Variants in GPRC5D observed in about 807,000 individuals in gnomAD.
The protein encoded by GPRC5D is G protein-coupled receptor family C group 5 member D.
A neutral mutation model predicts 29.3 loss-of-function variants in GPRC5D; 20 were observed. That is an observed-to-expected ratio of 0.68 (90% CI 0.48 to 0.99). The LOEUF is 0.99. GPRC5D is among the 50% of genes least tolerant of loss of function. The probability of loss-of-function intolerance (pLI) is 0.00; values close to 1 mark genes in which losing one functional copy is unlikely to be tolerated. For missense variants in GPRC5D, 384 were observed against 423.6 expected, an observed-to-expected ratio of 0.91 and a Z score of 0.82; for synonymous variants, 178 against 171.3, an observed-to-expected ratio of 1.04 and a Z score of -0.30.
chr12:12,951,166 G>A (rs914864068), upstream of GPRC5D, among the ~76,000 whole-genome samples: 3 of 152,058 alleles, frequency 2.0e-5, no homozygotes, highest in African/African-American at 4.8e-5. Flanking sequence ...GTCAAGAACC[G>A]CAACTGCTTT....
chr12:12,945,495 A>AT (rs1863291322), intron 1 of GPRC5D, among the ~76,000 whole-genome samples: 1 of 152,170 alleles, frequency 6.6e-6, no homozygotes, highest in East Asian at 1.9e-4. Context: ...AGACCTACTG[A>AT]TTTTATTCTA....
chr12:12,940,940 C>G (rs1863129706), intron 2 of GPRC5D, 91 bp from the exon 4 acceptor site: 2 of 826,928 alleles, frequency 2.4e-6, no homozygotes, highest in South Asian at 2.8e-5. Flanking sequence ...GAGACAGAGT[C>G]TTGCTCTGTC....
rs1169652559 is a variant in GPRC5D, at chr12:12,944,848, TCC to T, written c.896-2522_896-2521del. Among the ~76,000 whole-genome samples, 40 of 55,834 alleles carry T rather than the reference TCC, an allele frequency of 7.2e-4. 3 individuals carry two copies. Among genetic ancestry groups the T allele is most frequent in the African/African-American group, 1.9e-3 (37 of 19,328 alleles). 36.6% of individuals were successfully genotyped at this position (55,834 alleles called of 152,430 possible). ...TTCCTTCCTTCCTTCCTTCCTTCCT[TCC>T]TTCTTTCTTTCTTTCTTTCTTTCTT... On this transcript the variant is annotated intron_variant, in intron 1 of 2. Transcript: ENST00000228887.
At chr12:12,949,701 G>A (rs201518268) in exon 1 of GPRC5D, 1 of 1,607,158 alleles carries the variant, frequency 6.2e-7, no homozygotes, top group South Asian at 1.1e-5. Context: ...GGAACTGCGG[G>A]TTGCCTCTCA....
exon 1 of GPRC5D, chr12:12,949,511 C>T (rs1324559659): frequency 4.3e-6 from 7 of 1,613,702 alleles, no homozygotes; most frequent in Non-Finnish European, 5.9e-6. Context: ...TCCTGGTTCT[C>T]CACTTGGAAG....
chr12:12,949,893 G>T lies in GPRC5D; in HGVS notation c.492C>A (p.Cys164Ter), dbSNP rs760030909. The change falls in exon 1 of 3, where the codon TGC becomes TGA. Residue 164 changes from cysteine (C) to a stop codon, truncating the protein, a stop_gained. Coordinates refer to ENST00000228887, the Ensembl canonical transcript of GPRC5D. LOFTEE classifies it high-confidence loss of function. ...GTACAACAAAGTCCACATTGAGCTG[G>T]CAGGGTGTCATATTCACAAACATCA... The T allele has an allele frequency of 1.9e-6, 3 of 1,614,100 alleles. No homozygotes were observed. The highest frequency in any genetic ancestry group is 2.5e-6 in the Non-Finnish European group (3 of 1,179,956).
intron 2 of GPRC5D, among the ~76,000 whole-genome samples, chr12:12,941,282 A>G (rs1592368100): frequency 6.6e-6 from 1 of 152,238 alleles, no homozygotes; most frequent in South Asian, 2.1e-4. Context: ...GAAGAAACAT[A>G]CTGAGCCTAC....
At chr12:12,949,703 T>A in exon 1 of GPRC5D, 2 of 1,602,014 alleles carry the variant, frequency 1.2e-6, no homozygotes, top group Non-Finnish European at 1.7e-6. Flanking sequence ...AACTGCGGGT[T>A]GCCTCTCAGG....
At chr12:12,950,722 G>A (rs1320060162), upstream of GPRC5D, among the ~76,000 whole-genome samples, 1 of 151,878 alleles carries the variant, frequency 6.6e-6, no homozygotes, top group Non-Finnish European at 1.5e-5. Flanking sequence ...CAGGAGAATC[G>A]CTTGAACCCA....
chr12:12,947,664 A>G (rs1863386941), intron 1 of GPRC5D, among the ~76,000 whole-genome samples: 1 of 151,626 alleles, frequency 6.6e-6, no homozygotes, highest in South Asian at 2.1e-4. Context: ...TCCCAGACTC[A>G]AGTGATCTTC....
intron 1 of GPRC5D, among the ~76,000 whole-genome samples, chr12:12,946,386 CTT>C (rs1219497300): frequency 1.5e-5 from 2 of 136,780 alleles, no homozygotes; most frequent in African/African-American, 2.7e-5. Flanking sequence ...TTCTTTCTCT[CTT>C]TCTCTCTCTC....
chr12:12,941,712 C>T (rs144895233), intron 2 of GPRC5D, among the ~76,000 whole-genome samples: 2 of 152,332 alleles, frequency 1.3e-5, no homozygotes, highest in Non-Finnish European at 2.9e-5. Context: ...CCAAACTACT[C>T]AGCAGTGCTC....
chr12:12,944,434 A>G (rs1179729012), intron 1 of GPRC5D: 1 of 152,180 alleles, frequency 6.6e-6, no homozygotes, highest in Non-Finnish European at 1.5e-5. Context: ...AAGAACAAAC[A>G]AACATGACAC....
exon 1 of GPRC5D, chr12:12,950,344 A>G (rs903417869): frequency 6.2e-7 from 1 of 1,612,030 alleles, no homozygotes; most frequent in South Asian, 1.1e-5. Flanking sequence ...GTCACAGAGA[A>G]GAAAATAGTC....
intron 1 of GPRC5D, among the ~76,000 whole-genome samples, chr12:12,943,272 C>A (rs1428770794): frequency 6.6e-6 from 1 of 152,056 alleles, no homozygotes; most frequent in African/African-American, 2.4e-5. Flanking sequence ...TTGCTGGATA[C>A]CTAGTTGTTT....
At chr12:12,944,865 C>CT (rs374953299) in intron 1 of GPRC5D, among the ~76,000 whole-genome samples, 3 of 96,714 alleles carry the variant, frequency 3.1e-5, no homozygotes, top group Non-Finnish European at 2.2e-5. Context: ...TTCTTTCTTT[C>CT]TTTCTTTCTT....
In GPRC5D at chr12:12,946,295, CCTTCCTTCCTTCCTTTT is replaced by C. The variant is rs1565478331; in HGVS notation, c.895+3178_895+3194del. 1.1e-4 allele frequency among the ~76,000 whole-genome samples: 6 copies of C among 54,124 alleles called. No individual in the cohort carries two copies. In the East Asian group the frequency reaches 3.2e-3, roughly 29 times the overall value. 35.5% of individuals were successfully genotyped at this position (54,124 alleles called of 152,430 possible). ...TCCTTCCTTCCTTCCTTCCTTTCTT[CCTTCCTTCCTTCCTTTT>C]CTTTCTTTCTTTCTTTCTTTCTTTC... is the stretch of plus-strand genomic sequence containing the variant. On this transcript the variant is annotated intron_variant, in intron 1 of 2. Transcript: ENST00000228887.
At chr12:12,940,733 G>T, downstream of GPRC5D, 1 of 1,214,856 alleles carries the variant, frequency 8.2e-7, no homozygotes, top group Non-Finnish European at 1.2e-6. Flanking sequence ...ATGCTACCCA[G>T]GACGGTCTGC....
intron 1 of GPRC5D, among the ~76,000 whole-genome samples, chr12:12,944,849 C>T (rs866119940): frequency 3.0e-4 from 15 of 49,728 alleles, no homozygotes; most frequent in East Asian, 6.1e-4. Flanking sequence ...TTCCTTCCTT[C>T]CTTCTTTCTT....
Sources: allele counts gnomAD v4.1 joint callset (sites outside exome capture counted in the v4.1 genomes callset), GRCh38; gene constraint gnomAD v4.1.1; transcripts MANE v1.5; gene names NCBI Gene and HGNC (gene_info 2026-07-23, HGNC 2026-07-21).